The following DMD variants were observed in gnomAD, a reference collection of about 807,000 sequenced individuals.
DMD encodes dystrophin.
DMD carries 63 observed loss-of-function variants against 330.1 expected under a neutral mutation model. That is an observed-to-expected ratio of 0.19 (90% CI 0.16 to 0.24). The LOEUF is 0.24. Ranked by LOEUF, DMD falls within the 10% of genes least tolerant of loss-of-function variation. The pLI is 1.00. For synonymous variants in DMD, 1,223 were observed against 959.8 expected (o/e 1.27, Z -5.07); for missense variants, 3,344 against 2,684.1 (o/e 1.25, Z -5.43).
At chrX:32,735,932 A>G (rs2068405350) in intron 7 of DMD, among the ~76,000 whole-genome samples, 2 of 112,013 alleles carry the variant, frequency 1.8e-5, no homozygotes, top group South Asian at 3.7e-4. Context: ...TCGTTAAACT[A>G]AAGAGCTTCT....
chrX:32,476,475 T>C (rs773404242), intron 21 of DMD, among the ~76,000 whole-genome samples: 1 of 111,498 alleles, frequency 9.0e-6, no homozygotes, highest in East Asian at 2.8e-4. Flanking sequence ...AACTTGTCCA[T>C]CTAATATAGT....
intron 51 of DMD, among the ~76,000 whole-genome samples, chrX:31,735,853 C>G (rs1471979771): frequency 8.9e-6 from 1 of 111,888 alleles, no homozygotes; most frequent in Non-Finnish European, 1.9e-5. Context: ...TTCCACCTCT[C>G]TGAGTGAGAA....
intron 5 of DMD, among the ~76,000 whole-genome samples, chrX:32,817,090 A>G (rs560018783): frequency 1.4e-3 from 154 of 112,015 alleles, no homozygotes; most frequent in South Asian, 0.011. Context: ...AATTGTGGTA[A>G]TTGGACAAGT....
In DMD at chrX:31,514,818, T is replaced by C. The variant is rs185554232; in HGVS notation, c.8218-7365A>G. On this transcript the variant is annotated intron_variant, in intron 55 of 78. Coordinates refer to ENST00000357033, the MANE Select transcript of DMD (RefSeq NM_004006.3). The stretch of plus-strand genomic sequence containing the variant: ...ATTGGGAAATTGGAACAAAAGAAAA[T>C]ATTCCAGGTAAAAAGAATAGCATGG... Among the ~76,000 whole-genome samples, 193 of 111,039 alleles carry C rather than the reference T, an allele frequency of 1.7e-3. 1 individual carries two copies. Among genetic ancestry groups the C allele is most frequent in the African/African-American group, 6.0e-3 (184 of 30,572 alleles).
In DMD at chrX:31,948,712, T is replaced by C. The variant is rs1022760317; in HGVS notation, c.6615-16485A>G. Reference sequence around the variant, plus strand: ...TGGAGAAATATATATTTAAATATTTTAAAAATCAAGTTATTTGCCTTTTTC... The same window carrying C: ...TGGAGAAATATATATTTAAATATTTCAAAAATCAAGTTATTTGCCTTTTTC... On this transcript the variant is annotated intron_variant, in intron 45 of 78. Transcript: ENST00000357033. 3.6e-5 allele frequency among the ~76,000 whole-genome samples: 4 copies of C among 111,503 alleles called. No homozygotes were observed. The East Asian group carries it at 1.1e-3, about 31-fold the overall frequency.
chrX:31,870,908 C>T (rs2093880195), intron 48 of DMD, among the ~76,000 whole-genome samples: 1 of 111,488 alleles, frequency 9.0e-6, no homozygotes, highest in Non-Finnish European at 1.9e-5. Context: ...TGTGTCCCGC[C>T]ACACCTCATA....
chrX:32,773,884 T>G (rs2073889525), intron 7 of DMD, among the ~76,000 whole-genome samples: 1 of 111,976 alleles, frequency 8.9e-6, no homozygotes, highest in Admixed American at 9.5e-5. Context: ...ATATTTTTAT[T>G]TATACTTTAA....
At chrX:32,589,154 C>A (rs771126094) in intron 13 of DMD, among the ~76,000 whole-genome samples, 1 of 111,824 alleles carries the variant, frequency 8.9e-6, no homozygotes, top group South Asian at 3.7e-4. Flanking sequence ...TGTGCCATTT[C>A]CCTATGATTA....
intron 63 of DMD, among the ~76,000 whole-genome samples, chrX:31,242,520 C>T (rs1023031230): frequency 9.0e-6 from 1 of 110,856 alleles, no homozygotes; most frequent in South Asian, 3.8e-4. Context: ...AGGTACCATA[C>T]GTTTGACCTT....
chrX:31,622,379 A>T (rs1233825895), intron 55 of DMD, among the ~76,000 whole-genome samples: 1 of 111,397 alleles, frequency 9.0e-6, no homozygotes, highest in Non-Finnish European at 1.9e-5. Flanking sequence ...AAACTTACTT[A>T]AAAGTGATGG....
At chrX:32,534,284 C>G (rs1228649954) in intron 17 of DMD, among the ~76,000 whole-genome samples, 1 of 111,676 alleles carries the variant, frequency 9.0e-6, no homozygotes, top group Non-Finnish European at 1.9e-5. Context: ...AAATCTTATG[C>G]TGAATTGTAA....
chrX:31,379,698 C>A (rs1347932776), intron 60 of DMD, among the ~76,000 whole-genome samples: 1 of 112,074 alleles, frequency 8.9e-6, no homozygotes, highest in African/African-American at 3.2e-5. Context: ...AGCCATATCT[C>A]CAGCACAGAA....
At chrX:31,809,194 AAT>A (rs1327137616) in intron 50 of DMD, among the ~76,000 whole-genome samples, 58 of 105,710 alleles carry the variant, frequency 5.5e-4, no homozygotes, top group African/African-American at 1.5e-3. Flanking sequence ...TTTATATATA[AAT>A]ATATATGAGT....
At chrX:31,407,278 C>A (rs1428066025) in intron 60 of DMD, among the ~76,000 whole-genome samples, 1 of 110,418 alleles carries the variant, frequency 9.1e-6, no homozygotes, top group East Asian at 2.8e-4. Context: ...AATTCTCCTG[C>A]CTCAGCCTCC....
rs921110317 is a variant in DMD, at chrX:33,326,454, C to T, written c.7+12805G>A. Among the ~76,000 whole-genome samples, 10 of 111,427 alleles carry T rather than the reference C, an allele frequency of 9.0e-5. 1 individual carries two copies. The highest frequency in any genetic ancestry group is 4.8e-4 in the Admixed American group (5 of 10,493). On this transcript the variant is annotated intron_variant, in intron 1 of 17. Coordinates refer to the DMD transcript ENST00000288447. ...ATTTTGGAGGATTATAAAGCATGTA[C>T]CAAGTAAATATATGTGAATAAGAAT...
chrX:31,373,807 A>G (rs750512983), intron 60 of DMD, among the ~76,000 whole-genome samples: 2 of 109,711 alleles, frequency 1.8e-5, no homozygotes, highest in South Asian at 7.9e-4. Context: ...AACAAAAGCC[A>G]AAATTGACAA....
At chrX:32,061,122 C>T (rs1481522114) in intron 44 of DMD, among the ~76,000 whole-genome samples, 1 of 111,097 alleles carries the variant, frequency 9.0e-6, no homozygotes, top group African/African-American at 3.3e-5. Flanking sequence ...AGAACCATAA[C>T]CCCAGGCCAG....
At chrX:32,640,982 C>T (rs186466990) in intron 11 of DMD, among the ~76,000 whole-genome samples, 1 of 111,524 alleles carries the variant, frequency 9.0e-6, no homozygotes, top group Admixed American at 9.5e-5. Flanking sequence ...TCTACAGTCC[C>T]CCTGGCCTTT....
chrX:33,264,313 C>T (rs764128133), intron 1 of DMD, among the ~76,000 whole-genome samples: 3 of 111,092 alleles, frequency 2.7e-5, no homozygotes, highest in South Asian at 7.6e-4. Flanking sequence ...GAGTAGGTGA[C>T]GAAGATGGTG....
Sources: allele counts gnomAD v4.1 joint callset (sites outside exome capture counted in the v4.1 genomes callset), GRCh38; gene constraint gnomAD v4.1.1; transcripts MANE v1.5; gene names NCBI Gene and HGNC (gene_info 2026-07-23, HGNC 2026-07-21).